The following COL4A5 variants were observed in gnomAD, a reference collection of about 807,000 sequenced individuals.
COL4A5 encodes collagen alpha-5(IV) chain.
Under a neutral mutation model 130.2 loss-of-function variants are expected in COL4A5, and 26 were observed. That is an observed-to-expected ratio of 0.20 (90% CI 0.15 to 0.28). The LOEUF is 0.28. Among genes scored for constraint, COL4A5 ranks in the 10% least tolerant of loss-of-function variants. The pLI is 1.00. For synonymous variants in COL4A5, 496 were observed against 439.6 expected, an observed-to-expected ratio of 1.13 and a Z score of -1.60; for missense variants, 1,131 against 1,344.3, an observed-to-expected ratio of 0.84 and a Z score of 2.48.
chrX:108,685,066 A>C (rs2068518246), intron 47 of COL4A5, among the ~76,000 whole-genome samples: 1 of 112,191 alleles, frequency 8.9e-6, no homozygotes, highest in Non-Finnish European at 1.9e-5. Context: ...CTTCATGCTA[A>C]AAACTCTCAA....
rs755087742 is a variant in COL4A5, at chrX:108,681,874, C to T, written c.4202C>T (p.Pro1401Leu). 10 of 1,209,181 alleles carry T rather than the reference C, an allele frequency of 8.3e-6. No homozygotes were observed. The highest frequency in any genetic ancestry group is 1.1e-5 in the Non-Finnish European group (10 of 894,063). ...GLKGLPGPQG[P>L]QGLPGPTGPP... is the part of the protein sequence containing the mutation. Reference sequence around the variant, plus strand: ...AAGGGTCTACCAGGACCCCAAGGACCTCAAGGCTTACCAGGTACCAATGCA... The same window carrying T: ...AAGGGTCTACCAGGACCCCAAGGACTTCAAGGCTTACCAGGTACCAATGCA... The change falls in exon 47 of 53, where the codon CCT (proline) becomes CTT (leucine). Residue 1401 changes from proline to leucine, a missense_variant. By Grantham distance (98) the Pro-to-Leu change is moderately conservative. Transcript: ENST00000328300.
chrX:108,677,726 C>A, intron 44 of COL4A5, 93 bp downstream of exon 44: 1 of 1,050,803 alleles, frequency 9.5e-7, no homozygotes, highest in East Asian at 3.2e-5. Context: ...AATTAACACT[C>A]ACTAGACAAG....
At chrX:108,625,632 T>C in intron 34 of COL4A5, 73 bp from the exon 35 acceptor site, 5 of 632,095 alleles carry the variant, frequency 7.9e-6, no homozygotes, top group Non-Finnish European at 1.3e-5. Context: ...TTTTAATGAC[T>C]ATCCATTCCC....
At position 108,598,812 on chromosome X, in the gene COL4A5, A is replaced by C; in HGVS notation, c.1890A>C (p.Pro630=). 1 of 1,211,679 alleles carries C rather than the reference A, an allele frequency of 8.3e-7. No homozygotes were observed. Among genetic ancestry groups the C allele is most frequent in the South Asian group, 1.8e-5 (1 of 56,976 alleles). The change falls in exon 25 of 53, where the codon CCA becomes CCC. Residue 630 remains proline, a synonymous_variant. Transcript: ENST00000328300. The part of the protein sequence containing the change: ...MGPPGFGPPG[P]VGEKGIQGVA... ...CCCCTGGTTTCGGCCCTCCAGGCCCAGTAGGTGAAAAAGGCATACAAGGTG... is the reference window on the plus strand; with the variant it reads ...CCCCTGGTTTCGGCCCTCCAGGCCCCGTAGGTGAAAAAGGCATACAAGGTG...
intron 50 of COL4A5, chrX:108,694,453 C>T (rs2068694280): frequency 4.3e-6 from 1 of 230,836 alleles, no homozygotes; most frequent in Non-Finnish European, 7.9e-6. Flanking sequence ...AAATGTCTCC[C>T]CTCCAATTGA....
intron 10 of COL4A5, among the ~76,000 whole-genome samples, chrX:108,576,724 T>C (rs1319118249): frequency 8.9e-6 from 1 of 112,025 alleles, no homozygotes; most frequent in East Asian, 2.8e-4. Flanking sequence ...CCTTTATAGG[T>C]TGTACATTTT....
chrX:108,584,645 A>G (rs919989252), intron 18 of COL4A5, 120 bp downstream of exon 18: 9 of 598,406 alleles, frequency 1.5e-5, no homozygotes, highest in Non-Finnish European at 1.9e-5. Flanking sequence ...GTCATTATCA[A>G]TTTCTACTGG....
At chrX:108,626,973 A>G in intron 36 of COL4A5, 1 of 746,975 alleles carries the variant, frequency 1.3e-6, no homozygotes. Context: ...AAGTATTAGA[A>G]AAGGAATTTT....
chrX:108,582,859 TCA>T, intron 16 of COL4A5, 23 bp from the exon 17 acceptor site: 1 of 1,166,250 alleles, frequency 8.6e-7, no homozygotes, highest in Non-Finnish European at 1.2e-6. Flanking sequence ...TGTGCTGATG[TCA>T]CCCTATCCTC....
In COL4A5 at chrX:108,650,160, A is replaced by G. The variant is rs965332310; in HGVS notation, c.3247-5171A>G. Among the ~76,000 whole-genome samples the G allele has an allele frequency of 4.5e-5, 5 of 112,173 alleles. No individual in the cohort carries two copies. The Admixed American group carries it at 4.7e-4, about 11-fold the overall frequency. On this transcript the variant is annotated intron_variant, in intron 36 of 52. Transcript: ENST00000328300. ...GAAGATATACAAATGGCCAAAAAAC[A>G]TATGAAAAAAAATGCTCAACATCAC...
Position 108,517,749 on chromosome X carries a change from A to G in COL4A5, c.82-21997A>G, listed in dbSNP as rs150470192. ...TTCAAACATTGCTTGTTTCACTTCAAAACTTTGGGAATGCATGCTACGGAA... is the reference window on the plus strand; with the variant it reads ...TTCAAACATTGCTTGTTTCACTTCAGAACTTTGGGAATGCATGCTACGGAA... On this transcript the variant is annotated intron_variant, in intron 1 of 52. Transcript: ENST00000328300. Among the ~76,000 whole-genome samples the G allele has an allele frequency of 9.2e-3, 1,025 of 111,946 alleles. 3 individuals are homozygous for G. The highest frequency in any genetic ancestry group is 0.032 in the African/African-American group (979 of 30,932).
chrX:108,511,464 C>T lies in COL4A5; in HGVS notation c.82-28282C>T, dbSNP rs145960465. Among the ~76,000 whole-genome samples the T allele has an allele frequency of 1.0e-3, 116 of 111,506 alleles. 4 individuals are homozygous for T. The East Asian group carries it at 0.031, about 30-fold the overall frequency. ...CTTTGCAGAAATATGAGAAGCTGAC[C>T]TAAAATTCATATCGTATGGAAATGT... On this transcript the variant is annotated intron_variant, in intron 1 of 52. Coordinates refer to ENST00000328300, the MANE Select transcript of COL4A5 (RefSeq NM_033380.3).
intron 2 of COL4A5, among the ~76,000 whole-genome samples, chrX:108,543,634 A>T (rs766487726): frequency 9.0e-6 from 1 of 111,291 alleles, no homozygotes. Context: ...GTTTTTTCCA[A>T]TTCTGTGAAG....
At chrX:108,440,272 G>T (rs781346273) in intron 1 of COL4A5, 66 bp downstream of exon 1, 2,339 of 216,310 alleles carry the variant, frequency 0.011, 4 homozygotes, top group South Asian at 0.018. Flanking sequence ...CCTTTTTTTT[G>T]GGGGGGGGGT....
Position 108,571,818 on chromosome X carries a change from CT to C in COL4A5, c.447del (p.Ile151SerfsTer4). The C allele has an allele frequency of 8.4e-7, 1 of 1,188,258 alleles. No homozygotes were observed. Among genetic ancestry groups the C allele is most frequent in the Admixed American group, 2.2e-5 (1 of 45,955 alleles). Reference protein sequence around the residue: ...FPGLQGPPGPPGIPGMKGEPG... With the variant: ...FPGLQGPPGPXGIPGMKGEPG... ...TTTTCTTTTTAATAATAGGGACCCC[CT>C]GGGATCCCAGGTATGAAGGTAAGCA... is the stretch of plus-strand genomic sequence containing the variant. On this transcript the variant is annotated frameshift_variant, in exon 8 of 53. Coordinates refer to ENST00000328300, the MANE Select transcript of COL4A5 (RefSeq NM_033380.3). LOFTEE classifies it high-confidence loss of function.
In COL4A5 at chrX:108,695,424, T is replaced by C. The variant is rs757722534; in HGVS notation, c.4979T>C (p.Val1660Ala). 8.3e-7 allele frequency: 1 copy of C among 1,209,349 alleles called. No homozygotes were observed. The highest frequency in any genetic ancestry group is 1.8e-5 in the African/African-American group (1 of 57,071). The change falls in exon 52 of 53, where the codon GTG becomes GCG. Residue 1660 changes from valine to alanine, a missense_variant. Coordinates refer to ENST00000328300, the MANE Select transcript of COL4A5 (RefSeq NM_033380.3). ...SYSFWLATVD[V>A]SDMFSKPQSE... ...AGCTTTTGGCTGGCAACTGTAGATGTGTCAGACATGTTCAGGTAAAGTGCT... is the reference window on the plus strand; with the variant it reads ...AGCTTTTGGCTGGCAACTGTAGATGCGTCAGACATGTTCAGGTAAAGTGCT...
intron 1 of COL4A5, among the ~76,000 whole-genome samples, chrX:108,441,147 TA>T (rs3838200): frequency 0.1 from 11,562 of 111,542 alleles, 1,300 homozygotes; most frequent in African/African-American, 0.34. Context: ...GGCCAGATGT[TA>T]AAAAAATGAA....
At position 108,502,258 on chromosome X, in the gene COL4A5, AGTTTTGTTTT is replaced by A. The variant is rs372234708; in HGVS notation, c.82-37457_82-37448del. Among the ~76,000 whole-genome samples, 745 of 108,836 alleles carry A rather than the reference AGTTTTGTTTT, an allele frequency of 6.8e-3. 2 individuals carry two copies. The highest frequency in any genetic ancestry group is 0.037 in the East Asian group (127 of 3,417). The allele number at this position is 108,836 out of a possible 115,157, so 94.5% of individuals were successfully genotyped here. A position where few individuals can be genotyped will look rare whatever the true frequency, so the allele number is the denominator to read the frequency against. ...CACATCAGGTATGCTGGAAGGTAATAGTTTTGTTTTGTTTTGTTTTGTTTTGTTTTGTTTT... is the reference window on the plus strand; with the variant it reads ...CACATCAGGTATGCTGGAAGGTAATAGTTTTGTTTTGTTTTGTTTTGTTTT... On this transcript the variant is annotated intron_variant, in intron 1 of 52. Transcript: ENST00000328300.
intron 2 of COL4A5, among the ~76,000 whole-genome samples, chrX:108,545,417 T>C (rs1387281036): frequency 8.9e-6 from 1 of 111,897 alleles, no homozygotes; most frequent in Non-Finnish European, 1.9e-5. Context: ...GTTGAGCAGT[T>C]TTCAGTGAGT....
Sources: gnomAD v4.1 joint callset for allele counts (sites outside exome capture counted in the v4.1 genomes callset) on GRCh38, gnomAD v4.1.1 for gene constraint, MANE v1.5 for transcripts, NCBI Gene and HGNC (gene_info 2026-07-23, HGNC 2026-07-21) for gene names.